The following GRK4 variants were observed in gnomAD, a reference collection of about 807,000 sequenced individuals.
The protein encoded by GRK4 is G protein-coupled receptor kinase 2-like.
In GRK4, 73 loss-of-function variants were observed where a neutral mutation model predicts 77.9. The observed-to-expected ratio is 0.94, with a 90% CI of 0.78 to 1.14. The LOEUF is 1.14. GRK4 is among the 50% of genes most tolerant of loss of function. GRK4 has a pLI of 0.00. For missense variants in GRK4, 729 were observed against 700.2 expected, an observed-to-expected ratio of 1.04 and a Z score of -0.46; for synonymous variants, 257 against 254.4, an observed-to-expected ratio of 1.01 and a Z score of -0.10.
At chr4:3,019,609 G>T in intron 8 of GRK4, 32 bp from the exon 9 acceptor site, 19 of 1,540,966 alleles carry the variant, frequency 1.2e-5, no homozygotes, top group Non-Finnish European at 1.7e-5. Context: ...GAGCAAGTTC[G>T]TGTTCTGTTT....
chr4:2,996,227 G>A (rs1727849382), intron 4 of GRK4, among the ~76,000 whole-genome samples: 1 of 152,174 alleles, frequency 6.6e-6, no homozygotes, highest in Admixed American at 6.6e-5. Context: ...AACAAGATAA[G>A]GGCACTAGTC....
chr4:3,001,107 A>G lies in GRK4; in HGVS notation c.340-3124A>G, dbSNP rs190223241. On this transcript the variant is annotated intron_variant, in intron 4 of 15. Coordinates refer to ENST00000398052, the MANE Select transcript of GRK4 (RefSeq NM_182982.3). ...TATATATATGTGTGTGTGTGTGTGT[A>G]TATATATGTATATATGTGTATGTGT... Among the ~76,000 whole-genome samples the G allele has an allele frequency of 4.7e-3, 455 of 96,362 alleles. 22 individuals are homozygous for G. The highest frequency in any genetic ancestry group is 5.6e-3 in the African/African-American group (140 of 24,804). 63.2% of individuals were successfully genotyped at this position (96,362 alleles called of 152,430 possible).
At chr4:2,996,226 A>G (rs949231406) in intron 4 of GRK4, among the ~76,000 whole-genome samples, 1 of 152,202 alleles carries the variant, frequency 6.6e-6, no homozygotes, top group Non-Finnish European at 1.5e-5. Context: ...TAACAAGATA[A>G]GGGCACTAGT....
At chr4:2,973,189 G>A (rs182570671) in intron 1 of GRK4, among the ~76,000 whole-genome samples, 112 of 152,356 alleles carry the variant, frequency 7.4e-4, no homozygotes, top group African/African-American at 1.7e-3. Flanking sequence ...GACGTGGCAC[G>A]TCATGCTTTC....
intron 4 of GRK4, among the ~76,000 whole-genome samples, chr4:2,995,564 C>T (rs1345802220): frequency 6.6e-6 from 1 of 151,054 alleles, no homozygotes; most frequent in East Asian, 1.9e-4. Context: ...GCCTATAATC[C>T]CAGCTCCTTG....
intron 1 of GRK4, among the ~76,000 whole-genome samples, chr4:2,972,969 A>C (rs1298067067): frequency 6.6e-6 from 1 of 152,144 alleles, no homozygotes; most frequent in Non-Finnish European, 1.5e-5. Flanking sequence ...TCCTGAACCC[A>C]AGTGATCTGC....
Position 3,019,656 on chromosome 4 carries a change from G to A in GRK4, c.757G>A (p.Ala253Thr), listed in dbSNP as rs3213502. The change falls in exon 9 of 16, where the codon GCT becomes ACT. Residue 253 changes from alanine (A) to threonine (T), a missense_variant. Ala to Thr is a moderately conservative substitution (Grantham distance 58). Coordinates refer to ENST00000398052, the MANE Select transcript of GRK4 (RefSeq NM_182982.3). Reference protein sequence around the residue: ...QSRFVVSLAYAYETKDALCLV... With the variant: ...QSRFVVSLAYTYETKDALCLV... The stretch of plus-strand genomic sequence containing the variant: ...CTGTCTTTAGGTTAGTTTAGCCTAC[G>A]CTTATGAAACCAAAGATGCCTTGTG... 1.9e-5 allele frequency: 31 copies of A among 1,613,192 alleles called. No individual in the cohort carries two copies. The highest frequency in any genetic ancestry group is 1.3e-4 in the African/African-American group (10 of 75,004).
chr4:3,001,692 A>G (rs1028482905), intron 4 of GRK4, among the ~76,000 whole-genome samples: 1 of 152,174 alleles, frequency 6.6e-6, no homozygotes, highest in African/African-American at 2.4e-5. Context: ...GAAATGCCTC[A>G]AATGTATTAG....
intron 6 of GRK4, among the ~76,000 whole-genome samples, chr4:3,008,989 C>T (rs1202562745): frequency 1.3e-5 from 2 of 152,086 alleles, no homozygotes; most frequent in African/African-American, 4.8e-5. Context: ...TGCTTTCTGA[C>T]AGGTTGAGAG....
At chr4:3,014,470 A>AT (rs1733879901) in intron 8 of GRK4, among the ~76,000 whole-genome samples, 1 of 151,238 alleles carries the variant, frequency 6.6e-6, no homozygotes, top group African/African-American at 2.4e-5. Context: ...CTAGGTTTTA[A>AT]TTTTTTTATT....
In GRK4 at chr4:2,963,945, T is replaced by G; in HGVS notation, c.-126T>G. ...GCGGCGGAGCAGCCTCCCGGGATCG[T>G]GTCCGGAGCTCGAGGAGAGGGTGGT... On this transcript the variant is annotated 5_prime_UTR_variant, in exon 1 of 16. Transcript: ENST00000398052. 3.5e-6 allele frequency: 3 copies of G among 855,966 alleles called. No homozygotes were observed. Among genetic ancestry groups the G allele is most frequent in the Non-Finnish European group, 5.7e-6 (3 of 527,066 alleles). The allele number at this position is 855,966 out of a possible 1,614,324, so 53.0% of individuals were successfully genotyped here.
intron 1 of GRK4, among the ~76,000 whole-genome samples, chr4:2,980,022 C>T (rs1226245145): frequency 6.6e-6 from 1 of 152,204 alleles, no homozygotes; most frequent in African/African-American, 2.4e-5. Context: ...TGGTTCTTAT[C>T]TCAGACATGT....
intron 1 of GRK4, among the ~76,000 whole-genome samples, chr4:2,975,218 G>A (rs141226809): frequency 0.015 from 2,237 of 152,156 alleles, 62 homozygotes; most frequent in African/African-American, 0.05. Flanking sequence ...CAGGAGAATC[G>A]CTTGAACCTG....
At chr4:3,030,403 C>A (rs1738814766) in intron 12 of GRK4, among the ~76,000 whole-genome samples, 1 of 152,124 alleles carries the variant, frequency 6.6e-6, no homozygotes, top group South Asian at 2.1e-4. Context: ...TACTTTAAAC[C>A]AGTATTTTTT....
chr4:2,980,890 C>A (rs566863773), intron 1 of GRK4, among the ~76,000 whole-genome samples: 1 of 152,262 alleles, frequency 6.6e-6, no homozygotes, highest in Admixed American at 6.5e-5. Flanking sequence ...TGGTCCAGAT[C>A]CCATGCCTGC....
intron 4 of GRK4, among the ~76,000 whole-genome samples, chr4:2,997,719 C>A (rs1194316719): frequency 6.6e-6 from 1 of 151,266 alleles, no homozygotes; most frequent in African/African-American, 2.4e-5. Flanking sequence ...GCCAGCCTGG[C>A]CAGCATGGTG....
intron 5 of GRK4, among the ~76,000 whole-genome samples, chr4:3,006,341 T>C (rs1461591430): frequency 6.6e-6 from 1 of 150,654 alleles, no homozygotes; most frequent in Non-Finnish European, 1.5e-5. Context: ...GATCACGCCA[T>C]TGCACTCCAG....
intron 7 of GRK4, among the ~76,000 whole-genome samples, chr4:3,011,173 T>G (rs2109890978): frequency 6.6e-6 from 1 of 152,320 alleles, no homozygotes; most frequent in South Asian, 2.1e-4. Flanking sequence ...TTCTGGAACA[T>G]GGGTCATGTG....
intron 10 of GRK4, among the ~76,000 whole-genome samples, chr4:3,025,189 T>C (rs553969235): frequency 4.7e-5 from 7 of 149,228 alleles, no homozygotes; most frequent in Admixed American, 6.7e-5. Flanking sequence ...AAGAATCGCT[T>C]GAACCTGGGA....
Sources: gnomAD v4.1 joint callset for allele counts (sites outside exome capture counted in the v4.1 genomes callset) on GRCh38, gnomAD v4.1.1 for gene constraint, MANE v1.5 for transcripts, NCBI Gene and HGNC (gene_info 2026-07-23, HGNC 2026-07-21) for gene names.